The following PIGR variants were observed in gnomAD, a reference collection of about 807,000 sequenced individuals.
PIGR encodes the protein hepatocellular carcinoma associated protein TB6.
In PIGR, 22 loss-of-function variants were observed where a neutral mutation model predicts 69.5. The ratio of observed to expected loss-of-function variants is 0.32; its 90% CI spans 0.23 to 0.45. The LOEUF is 0.45. Ranked by LOEUF, PIGR falls within the 20% of genes least tolerant of loss-of-function variation. PIGR has a pLI of 1.00. For synonymous variants in PIGR, 413 were observed against 407.6 expected, an observed-to-expected ratio of 1.01 and a Z score of -0.16; for missense variants, 885 against 974.0, an observed-to-expected ratio of 0.91 and a Z score of 1.22.
rs761979881 is a variant in PIGR at position 206,937,501 on chromosome 1, G to A, written c.639C>T (p.Ser213=). The A allele has an allele frequency of 5.6e-5, 90 of 1,614,050 alleles. No homozygotes were observed. Among genetic ancestry groups the A allele is most frequent in the South Asian group, 1.9e-4 (17 of 91,086 alleles). Residue 213 remains serine (S), a synonymous_variant, in exon 4 of 11, where the codon AGC becomes AGT. Transcript: ENST00000356495. ...CCTGGCAGAGATACTGCCCAGCATC[G>A]CTGAGCCTGAGTTGGTTGATGACAA... ...FSVVINQLRL[S]DAGQYLCQAG... is the part of the protein sequence containing the mutation.
intron 1 of PIGR, among the ~76,000 whole-genome samples, chr1:206,944,913 A>T (rs1286406060): frequency 6.6e-6 from 1 of 152,218 alleles, no homozygotes; most frequent in East Asian, 1.9e-4. Context: ...CTAGGGAATG[A>T]CATCACAAAA....
intron 4 of PIGR, among the ~76,000 whole-genome samples, chr1:206,936,321 T>C (rs2102599975): frequency 6.6e-6 from 1 of 152,314 alleles, no homozygotes; most frequent in Non-Finnish European, 1.5e-5. Flanking sequence ...ACGATAGCCA[T>C]TCTCCAGGCA....
chr1:206,932,584 G>A lies in PIGR; in HGVS notation c.1887-7C>T, dbSNP rs1458614319. ...TCCACCTTGTTCCTCAGAGCTGGAA[G>A]AAGGCTTAAGTTAGTTCATCCCTGG... On this transcript the variant is annotated splice_polypyrimidine_tract_variant and splice_region_variant and intron_variant, in intron 7 of 10. Coordinates refer to ENST00000356495, the MANE Select transcript of PIGR (RefSeq NM_002644.4). 1 of 1,609,560 alleles carries A rather than the reference G, an allele frequency of 6.2e-7. No individual in the cohort carries two copies. Among genetic ancestry groups the A allele is most frequent in the Non-Finnish European group, 8.5e-7 (1 of 1,178,084 alleles).
At chr1:206,946,163 G>A (rs1043085714) in intron 1 of PIGR, among the ~76,000 whole-genome samples, 173 bp downstream of exon 1, 2 of 152,124 alleles carry the variant, frequency 1.3e-5, no homozygotes, top group South Asian at 2.1e-4. Flanking sequence ...GTCCCACTGC[G>A]ATATGCACGC....
intron 2 of PIGR, among the ~76,000 whole-genome samples, chr1:206,939,726 T>G (rs1271212938): frequency 2.6e-5 from 4 of 152,216 alleles, no homozygotes; most frequent in Non-Finnish European, 5.9e-5. Flanking sequence ...TTTTTTATTT[T>G]ATATATTTTT....
rs202131581 is a variant in PIGR at position 206,935,478 on chromosome 1, A to G, written c.1378+8T>C. On this transcript the variant is annotated splice_region_variant and intron_variant, in intron 5 of 10. Transcript: ENST00000356495. The surrounding 1 kb of genome is among the most constrained non-coding windows in gnomAD (Gnocchi z 4.4). ...TTTAGAGCTTTCTCCCTCCCTGTCA[A>G]CTCCTACCTTCGATAATCTTGATCT... The G allele has an allele frequency of 9.7e-4, 1,546 of 1,600,826 alleles. 4 individuals are homozygous for G. The highest frequency in any genetic ancestry group is 8.5e-4 in the Non-Finnish European group (989 of 1,169,948).
chr1:206,941,621 A>G (rs576216397), intron 1 of PIGR, among the ~76,000 whole-genome samples: 3 of 152,332 alleles, frequency 2.0e-5, no homozygotes, highest in African/African-American at 7.2e-5. Flanking sequence ...GGTCTTTGTA[A>G]TCCTGCCTGG....
rs893260336 is a variant in PIGR at position 206,932,497 on chromosome 1, A to G, written c.1967T>C (p.Val656Ala). ...PLGLVLAVGA[V>A]AVGVARARHR... ...CCGGGCTCTGGCCACCCCCACAGCC[A>G]CGGCTCCCACTGCCAGCACCAGGCC... The change falls in exon 8 of 11, where the codon GTG (valine) becomes GCG (alanine). Residue 656 changes from valine (V) to alanine (A), a missense_variant. Physicochemically the swap from Val to Ala is moderately conservative, Grantham distance 64. Coordinates refer to ENST00000356495, the MANE Select transcript of PIGR (RefSeq NM_002644.4). 1 of 1,613,128 alleles carries G rather than the reference A, an allele frequency of 6.2e-7. No homozygotes were observed. The highest frequency in any genetic ancestry group is 8.5e-7 in the Non-Finnish European group (1 of 1,179,976).
chr1:206,937,030 A>G, intron 4 of PIGR, 65 bp downstream of exon 4: 2 of 1,410,520 alleles, frequency 1.4e-6, no homozygotes, highest in Non-Finnish European at 1.9e-6. Context: ...ACTCAGAGGG[A>G]GCTGAGCTTG....
At chr1:206,945,395 G>C (rs553341993) in intron 1 of PIGR, among the ~76,000 whole-genome samples, 1 of 152,270 alleles carries the variant, frequency 6.6e-6, no homozygotes, top group African/African-American at 2.4e-5. Context: ...CCCTTGTGCC[G>C]GACGGTCCCA....
chr1:206,937,201 T>A lies in PIGR; in HGVS notation c.939A>T (p.Thr313=). ...GCCCTGCATCCTCCTTCCTCAGGCC[T>A]GTGATCACCACACTGAATGAGCCAT... The part of the protein sequence containing the change: ...DKDGSFSVVI[T]GLRKEDAGRY... Residue 313 remains threonine (T), a synonymous_variant, in exon 4 of 11, where the codon ACA becomes ACT. Transcript: ENST00000356495. The A allele has an allele frequency of 6.2e-7, 1 of 1,614,216 alleles. No individual in the cohort carries two copies. The highest frequency in any genetic ancestry group is 8.5e-7 in the Non-Finnish European group (1 of 1,180,028).
At chr1:206,936,153 T>A (rs1283260464) in intron 4 of PIGR, among the ~76,000 whole-genome samples, 2 of 152,212 alleles carry the variant, frequency 1.3e-5, no homozygotes, top group Non-Finnish European at 2.9e-5. Flanking sequence ...TCTGTGTAGG[T>A]TTTTGTCTAT....
At chr1:206,941,496 G>T (rs1421792781) in intron 1 of PIGR, among the ~76,000 whole-genome samples, 1 of 152,224 alleles carries the variant, frequency 6.6e-6, no homozygotes, top group Non-Finnish European at 1.5e-5. Flanking sequence ...AGACAGACGG[G>T]TATAATCACA....
intron 1 of PIGR, among the ~76,000 whole-genome samples, chr1:206,942,437 T>G (rs1572648795): frequency 6.6e-6 from 1 of 152,310 alleles, no homozygotes. Flanking sequence ...TCCTGGGAGA[T>G]CTACCATTTT....
At position 206,937,372 on chromosome 1, in the gene PIGR, G is replaced by T; in HGVS notation, c.768C>A (p.His256Gln). The change falls in exon 4 of 11, where the codon CAC becomes CAA. Residue 256 changes from histidine (H) to glutamine (Q), a missense_variant. Coordinates refer to ENST00000356495, the MANE Select transcript of PIGR (RefSeq NM_002644.4). Reference sequence around the variant, plus strand: ...TTGCCACCTCAGGGCCCAGGGCACAGTGGAAGGTCACTGAGCCCCTCAGGT... The same window carrying T: ...TTGCCACCTCAGGGCCCAGGGCACATTGGAAGGTCACTGAGCCCCTCAGGT... ...YEDLRGSVTF[H>Q]CALGPEVANV... The T allele has an allele frequency of 6.2e-7, 1 of 1,613,954 alleles. No homozygotes were observed. Among genetic ancestry groups the T allele is most frequent in the Non-Finnish European group, 8.5e-7 (1 of 1,179,858 alleles).
At position 206,935,462 on chromosome 1, in the gene PIGR, T is replaced by G; in HGVS notation, c.1378+24A>C. 5 of 1,581,652 alleles carry G rather than the reference T, an allele frequency of 3.2e-6. No homozygotes were observed. Among genetic ancestry groups the G allele is most frequent in the Non-Finnish European group, 4.3e-6 (5 of 1,156,138 alleles). ...TGCTGGCTGGAGAGGTTTTAGAGCT[T>G]TCTCCCTCCCTGTCAACTCCTACCT... is the stretch of plus-strand genomic sequence containing the variant. On this transcript the variant is annotated intron_variant, in intron 5 of 10. Coordinates refer to ENST00000356495, the MANE Select transcript of PIGR (RefSeq NM_002644.4). The surrounding 1 kb of genome is among the most constrained non-coding windows in gnomAD (Gnocchi z 4.4).
chr1:206,931,435 A>G, intron 10 of PIGR, 62 bp downstream of exon 10: 2 of 1,613,504 alleles, frequency 1.2e-6, no homozygotes, highest in Non-Finnish European at 1.7e-6. Flanking sequence ...TCTGAAGTCT[A>G]ACTGCATCCC....
At chr1:206,936,987 G>A (rs867328734) in intron 4 of PIGR, 108 bp downstream of exon 4, 1 of 1,077,962 alleles carries the variant, frequency 9.3e-7, no homozygotes, top group Middle Eastern at 2.3e-4. Flanking sequence ...TTGAGTGGAT[G>A]CTGTTGGCTG....
intron 1 of PIGR, among the ~76,000 whole-genome samples, chr1:206,945,591 G>A (rs1253761954): frequency 6.6e-6 from 1 of 152,196 alleles, no homozygotes; most frequent in Non-Finnish European, 1.5e-5. Flanking sequence ...AGGATGATGC[G>A]ATGACACACA....
Sources: allele counts gnomAD v4.1 joint callset (sites outside exome capture counted in the v4.1 genomes callset), GRCh38; gene constraint gnomAD v4.1.1; non-coding constraint Gnocchi (gnomAD v3.1); transcripts MANE v1.5; gene names NCBI Gene and HGNC (gene_info 2026-07-23, HGNC 2026-07-21).